NOS1AP: variants seen among roughly 807,000 people sequenced by gnomAD.
NOS1AP encodes the protein nitric oxide synthase 1 adaptor protein, also known as carboxyl-terminal PDZ ligand of neuronal nitric oxide synthase protein.
A neutral mutation model predicts 56.2 loss-of-function variants in NOS1AP; 21 were observed. The observed-to-expected ratio is 0.37, with a 90% CI of 0.26 to 0.54. NOS1AP has a LOEUF of 0.54. Among genes scored for constraint, NOS1AP ranks in the 20% least tolerant of loss-of-function variants. The probability of loss-of-function intolerance (pLI) is 0.84; values close to 1 mark genes in which losing one functional copy is unlikely to be tolerated. For missense variants in NOS1AP, 522 were observed against 657.8 expected, an observed-to-expected ratio of 0.79 and a Z score of 2.26; for synonymous variants, 270 against 274.6, an observed-to-expected ratio of 0.98 and a Z score of 0.17.
At chr1:162,331,839 G>A (rs1042846401) in intron 4 of NOS1AP, among the ~76,000 whole-genome samples, 42 of 149,432 alleles carry the variant, frequency 2.8e-4, no homozygotes, top group African/African-American at 9.8e-4. Flanking sequence ...CCCTGGGGGG[G>A]CCCTGTCCTA....
chr1:162,367,131 G>A lies in NOS1AP; in HGVS notation c.1185G>A (p.Lys395=), dbSNP rs1176511308. The change falls in exon 10 of 10, where the codon AAG becomes AAA. Residue 395 remains lysine, a synonymous_variant. Transcript: ENST00000361897. This position sits in a 1 kb window ranked among gnomAD's most constrained non-coding sequence, Gnocchi z 6.5. ...LPVLCDPTTP[K]PEDLHSPPLG... The stretch of plus-strand genomic sequence containing the variant: ...TGCTCTGTGACCCCACGACCCCTAA[G>A]CCAGAGGACCTGCATTCGCCGCCGC... The A allele has an allele frequency of 2.5e-6, 4 of 1,613,730 alleles. No homozygotes were observed. The Admixed American group carries it at 6.7e-5, about 27-fold the overall frequency.
At chr1:162,172,948 G>A (rs1293412501) in intron 2 of NOS1AP, among the ~76,000 whole-genome samples, 1 of 151,574 alleles carries the variant, frequency 6.6e-6, no homozygotes, top group Non-Finnish European at 1.5e-5. Context: ...TTGTGATGGG[G>A]TCTCAGTCTG....
intron 2 of NOS1AP, among the ~76,000 whole-genome samples, chr1:162,242,400 A>T (rs1301061639): frequency 2.0e-5 from 3 of 152,204 alleles, no homozygotes; most frequent in African/African-American, 7.2e-5. Flanking sequence ...TATGAGGAAC[A>T]CTAGCTGCCA....
intron 2 of NOS1AP, among the ~76,000 whole-genome samples, chr1:162,191,040 T>G (rs1318094544): frequency 6.6e-6 from 1 of 152,128 alleles, no homozygotes; most frequent in Non-Finnish European, 1.5e-5. Context: ...GAGTCCTGAA[T>G]GGGCAGGGGC....
intron 2 of NOS1AP, among the ~76,000 whole-genome samples, chr1:162,277,300 C>A (rs570703736): frequency 6.6e-6 from 1 of 152,198 alleles, no homozygotes; most frequent in Non-Finnish European, 1.5e-5. Flanking sequence ...AATGATTGCT[C>A]GACAGAGACA....
At chr1:162,329,275 C>G (rs896645523) in intron 4 of NOS1AP, among the ~76,000 whole-genome samples, 1 of 151,800 alleles carries the variant, frequency 6.6e-6, no homozygotes, top group African/African-American at 2.4e-5. Flanking sequence ...CACCTATAAT[C>G]CCAGCTACTC....
intron 1 of NOS1AP, among the ~76,000 whole-genome samples, chr1:162,144,116 G>T (rs1571059063): frequency 6.6e-6 from 1 of 152,182 alleles, no homozygotes; most frequent in East Asian, 1.9e-4. Context: ...TGTAAGTCTT[G>T]GTGCCCCACC....
At chr1:162,121,707 A>G (rs540633267) in intron 1 of NOS1AP, among the ~76,000 whole-genome samples, 14 of 152,322 alleles carry the variant, frequency 9.2e-5, no homozygotes, top group African/African-American at 3.4e-4. Flanking sequence ...AATAACAACA[A>G]AAATAACAGT....
intron 2 of NOS1AP, among the ~76,000 whole-genome samples, chr1:162,167,727 A>G (rs1036859349): frequency 6.6e-6 from 1 of 152,196 alleles, no homozygotes; most frequent in Non-Finnish European, 1.5e-5. Flanking sequence ...GTTGTTGACA[A>G]TCATCCCATC....
At chr1:162,171,796 T>C (rs1230749683) in intron 2 of NOS1AP, among the ~76,000 whole-genome samples, 2 of 152,140 alleles carry the variant, frequency 1.3e-5, no homozygotes, top group African/African-American at 4.8e-5. Flanking sequence ...CTCTTCTCTC[T>C]TGTCATGCTT....
At position 162,285,106 on chromosome 1, in the gene NOS1AP, G is replaced by A. The variant is rs540823828; in HGVS notation, c.178-2238G>A. 1.2e-4 allele frequency among the ~76,000 whole-genome samples: 18 copies of A among 152,318 alleles called. No homozygotes were observed. In the East Asian group the frequency reaches 2.5e-3, roughly 21 times the overall value. On this transcript the variant is annotated intron_variant, in intron 2 of 9. Transcript: ENST00000361897. ...TAAGAGACCAAAGAACAATAAAAGAGTTGAGGTCCAACCTGTCTAGGGTAG... is the reference window on the plus strand; with the variant it reads ...TAAGAGACCAAAGAACAATAAAAGAATTGAGGTCCAACCTGTCTAGGGTAG...
chr1:162,150,938 T>C (rs536481735), intron 1 of NOS1AP, among the ~76,000 whole-genome samples: 1 of 152,346 alleles, frequency 6.6e-6, no homozygotes, highest in East Asian at 1.9e-4. Context: ...ATTGTTTCCT[T>C]TGCTGTGCAG....
rs567347152 is a variant in NOS1AP at position 162,364,309 on chromosome 1, A to G, written c.940-1095A>G. On this transcript the variant is annotated intron_variant, in intron 8 of 9. Transcript: ENST00000361897. ...GAACACCCTTTTCCCCATAAGCTACATTGGTCCAGGCCATAAAAATTCATT... is the reference window on the plus strand; with the variant it reads ...GAACACCCTTTTCCCCATAAGCTACGTTGGTCCAGGCCATAAAAATTCATT... The G allele has an allele frequency of 6.7e-5, 66 of 985,348 alleles. No individual in the cohort carries two copies. The African/African-American group carries it at 1.1e-3, about 17-fold the overall frequency. 61.0% of individuals were successfully genotyped at this position (985,348 alleles called of 1,614,324 possible). A position where few individuals can be genotyped will look rare whatever the true frequency, so the allele number is the denominator to read the frequency against.
chr1:162,332,414 G>A (rs1656798439), intron 4 of NOS1AP, among the ~76,000 whole-genome samples: 2 of 152,134 alleles, frequency 1.3e-5, no homozygotes, highest in Non-Finnish European at 2.9e-5. Context: ...TTTCTGTCCT[G>A]TTCCTGTTGT....
intron 1 of NOS1AP, among the ~76,000 whole-genome samples, chr1:162,122,708 A>G (rs971523807): frequency 2.0e-5 from 3 of 152,060 alleles, no homozygotes; most frequent in South Asian, 2.1e-4. Flanking sequence ...GGGTTTCACC[A>G]TGTTGCCCCA....
chr1:162,142,641 C>T (rs747072657), intron 1 of NOS1AP, among the ~76,000 whole-genome samples: 5 of 152,072 alleles, frequency 3.3e-5, no homozygotes, highest in Non-Finnish European at 7.4e-5. Context: ...TTGTTAAAGG[C>T]GAAAGCATGT....
chr1:162,295,831 T>C (rs1422738128), intron 3 of NOS1AP, among the ~76,000 whole-genome samples: 1 of 152,170 alleles, frequency 6.6e-6, no homozygotes, highest in East Asian at 1.9e-4. Flanking sequence ...GGAGAATTTG[T>C]TTTTACTCTT....
At chr1:162,350,899 A>G (rs1232338447) in intron 6 of NOS1AP, among the ~76,000 whole-genome samples, 2 of 152,166 alleles carry the variant, frequency 1.3e-5, no homozygotes, top group Non-Finnish European at 2.9e-5. Context: ...AAAATCCAAA[A>G]TCTGAAATGC....
At chr1:162,228,069 A>T (rs1652998084) in intron 2 of NOS1AP, among the ~76,000 whole-genome samples, 1 of 152,238 alleles carries the variant, frequency 6.6e-6, no homozygotes, top group East Asian at 1.9e-4. Context: ...GGAGCAAGTA[A>T]TGAAGTCAAC....
Sources: allele counts gnomAD v4.1 joint callset (sites outside exome capture counted in the v4.1 genomes callset), GRCh38; gene constraint gnomAD v4.1.1; non-coding constraint Gnocchi (gnomAD v3.1); transcripts MANE v1.5; gene names NCBI Gene and HGNC (gene_info 2026-07-23, HGNC 2026-07-21).